RNPEP: variants seen among roughly 807,000 people sequenced by gnomAD.
The protein encoded by RNPEP is aminopeptidase B.
RNPEP carries 57 observed loss-of-function variants against 70.1 expected under a neutral mutation model. The observed-to-expected ratio is 0.81, with a 90% CI of 0.66 to 1.01. The LOEUF (loss-of-function observed/expected upper bound fraction) is 1.01. Among genes scored for constraint, RNPEP ranks in the 50% least tolerant of loss-of-function variants. RNPEP has a pLI of 0.00. For missense variants in RNPEP, 787 were observed against 852.4 expected (o/e 0.92, Z 0.96); for synonymous variants, 335 against 357.4 (o/e 0.94, Z 0.71).
Position 201,996,097 on chromosome 1 carries a change from T to C in RNPEP, c.738-50T>C, listed in dbSNP as rs200533035. ...ACAGGTGCTTTCAGGATCAGGTCAC[T>C]GCGATGGTCTCTAAACACCATTCTG... On this transcript the variant is annotated intron_variant, in intron 3 of 10. Coordinates refer to ENST00000295640, the MANE Select transcript of RNPEP (RefSeq NM_020216.4). 3.7e-4 allele frequency: 538 copies of C among 1,468,042 alleles called. 3 individuals carry two copies. The African/African-American group carries it at 6.4e-3, about 17-fold the overall frequency. 90.9% of individuals were successfully genotyped at this position (1,468,042 alleles called of 1,614,324 possible). A position where few individuals can be genotyped will look rare whatever the true frequency, so the allele number is the denominator to read the frequency against.
chr1:202,001,515 G>A, intron 7 of RNPEP, 27 bp downstream of exon 7: 1 of 1,555,092 alleles, frequency 6.4e-7, no homozygotes, highest in African/African-American at 1.4e-5. Context: ...GGAGAAGGAA[G>A]AGGAGCGGAT....
intron 3 of RNPEP, among the ~76,000 whole-genome samples, chr1:201,993,702 C>T (rs1049679300): frequency 5.3e-5 from 8 of 151,160 alleles, no homozygotes; most frequent in African/African-American, 1.9e-4. Context: ...TGGTGTGAAC[C>T]CGGGAGGTGG....
At position 201,996,214 on chromosome 1, in the gene RNPEP, G is replaced by T. The variant is rs575051595; in HGVS notation, c.805G>T (p.Glu269Ter). Residue 269 changes from glutamate (E) to a stop codon, truncating the protein, a stop_gained, in exon 4 of 11, where the codon GAA becomes TAA. Transcript: ENST00000295640. LOFTEE classifies it high-confidence loss of function. ...AKEEYNGVIEEFLATGEKLFG... is the reference protein window; with the variant it reads ...AKEEYNGVIE ...GGAGGAGTACAACGGGGTGATAGAA[G>T]AATTTTTGGCAACAGGAGAGAAGCT... 1.0e-4 allele frequency: 168 copies of T among 1,614,076 alleles called. 1 individual carries two copies. The highest frequency in any genetic ancestry group is 1.6e-4 in the Middle Eastern group (1 of 6,084).
chr1:201,997,706 C>A, intron 5 of RNPEP, 152 bp downstream of exon 5: 1 of 537,590 alleles, frequency 1.9e-6, no homozygotes, highest in Admixed American at 3.4e-5. Context: ...TATGAATTGT[C>A]AAACCACACA....
At chr1:201,987,813 C>T (rs1172154190) in intron 1 of RNPEP, among the ~76,000 whole-genome samples, 1 of 151,402 alleles carries the variant, frequency 6.6e-6, no homozygotes, top group Non-Finnish European at 1.5e-5. Flanking sequence ...ATATAAAATA[C>T]CTTTCTTCTG....
In RNPEP at chr1:201,997,427, T is replaced by C; in HGVS notation, c.963T>C (p.Asp321=). The C allele has an allele frequency of 6.2e-7, 1 of 1,614,140 alleles. No individual in the cohort carries two copies. Among genetic ancestry groups the C allele is most frequent in the Non-Finnish European group, 8.5e-7 (1 of 1,180,024 alleles). ...TAGCTGGGGACCGCTCCTTGGCAGATGTCATCATCCATGAGATCTCCCACA... is the reference window on the plus strand; with the variant it reads ...TAGCTGGGGACCGCTCCTTGGCAGACGTCATCATCCATGAGATCTCCCACA... The part of the protein sequence containing the change: ...CLLAGDRSLA[D]VIIHEISHSW... Residue 321 remains aspartate, a synonymous_variant, in exon 5 of 11, where the codon GAT becomes GAC. Coordinates refer to ENST00000295640, the MANE Select transcript of RNPEP (RefSeq NM_020216.4).
At position 202,000,005 on chromosome 1, in the gene RNPEP, G is replaced by T. The variant is rs377565563; in HGVS notation, c.1194G>T (p.Lys398Asn). 86 of 1,613,004 alleles carry T rather than the reference G, an allele frequency of 5.3e-5. No homozygotes were observed. Among genetic ancestry groups the T allele is most frequent in the Non-Finnish European group, 7.0e-5 (83 of 1,179,456 alleles). The part of the protein sequence containing the change: ...EENPLNKLRV[K>N]IEPGVDPDDT... ...ACCCACTCAACAAGCTCCGCGTGAAGATTGAACCAGGTCCAGGAGGCTCCT... is the reference window on the plus strand; with the variant it reads ...ACCCACTCAACAAGCTCCGCGTGAATATTGAACCAGGTCCAGGAGGCTCCT... Residue 398 changes from lysine to asparagine, a missense_variant, in exon 6 of 11, where the codon AAG (lysine) becomes AAT (asparagine). Coordinates refer to ENST00000295640, the MANE Select transcript of RNPEP (RefSeq NM_020216.4).
chr1:202,004,189 AGTTTT>A (rs779520279), intron 9 of RNPEP, among the ~76,000 whole-genome samples, 160 bp from the exon 10 acceptor site: 26 of 152,070 alleles, frequency 1.7e-4, no homozygotes, highest in Non-Finnish European at 3.1e-4. Context: ...ACACCCGGCC[AGTTTT>A]GTTTGGTATT....
Position 201,989,386 on chromosome 1 carries a change from C to T in RNPEP, c.592C>T (p.Pro198Ser), listed in dbSNP as rs867779987. 1 of 1,613,782 alleles carries T rather than the reference C, an allele frequency of 6.2e-7. No individual in the cohort carries two copies. Among genetic ancestry groups the T allele is most frequent in the Non-Finnish European group, 8.5e-7 (1 of 1,179,966 alleles). ...KYKYSALIEV[P>S]DGFTAVMSAS... ...CCTAAGCTTTCTCTGTTGTCAGGTC[C>T]CAGATGGCTTCACAGCTGTGATGAG... is the stretch of plus-strand genomic sequence containing the variant. The change falls in exon 3 of 11, where the codon CCA becomes TCA. Residue 198 changes from proline (P) to serine (S), a missense_variant. By Grantham distance (74) the Pro-to-Ser change is moderately conservative. Transcript: ENST00000295640.
At chr1:202,004,635 A>G in intron 10 of RNPEP, 139 bp downstream of exon 10, 1 of 1,016,678 alleles carries the variant, frequency 9.8e-7, no homozygotes, top group East Asian at 2.5e-5. Context: ...GGACCCTACC[A>G]CTCAGCCTCT....
intron 3 of RNPEP, among the ~76,000 whole-genome samples, chr1:201,991,028 C>T (rs938248816): frequency 6.6e-6 from 1 of 152,194 alleles, no homozygotes; most frequent in African/African-American, 2.4e-5. Context: ...ACAGAATCCA[C>T]TTAACTGGTG....
At chr1:201,996,465 T>TG in intron 4 of RNPEP, 3 of 230,686 alleles carry the variant, frequency 1.3e-5, no homozygotes, top group South Asian at 5.2e-5. Context: ...ATGAGGTTCT[T>TG]TGTGTGTGTG....
At chr1:202,004,565 A>C in intron 10 of RNPEP, 69 bp downstream of exon 10, 1 of 1,578,742 alleles carries the variant, frequency 6.3e-7, no homozygotes, top group Non-Finnish European at 8.6e-7. Context: ...TGAAGTAATC[A>C]TGTGGGCAGG....
intron 8 of RNPEP, among the ~76,000 whole-genome samples, chr1:202,002,461 C>T (rs748626109): frequency 1.3e-4 from 20 of 152,194 alleles, no homozygotes; most frequent in Non-Finnish European, 1.2e-4. Context: ...TGTGCCCAGC[C>T]GCCAGTTTCT....
chr1:202,004,631 T>A, intron 10 of RNPEP, 135 bp downstream of exon 10: 1 of 1,049,900 alleles, frequency 9.5e-7, no homozygotes, highest in Non-Finnish European at 1.4e-6. Context: ...CTGAGGACCC[T>A]ACCACTCAGC....
At chr1:201,987,813 C>G (rs1172154190) in intron 1 of RNPEP, among the ~76,000 whole-genome samples, 1 of 151,402 alleles carries the variant, frequency 6.6e-6, no homozygotes, top group African/African-American at 2.4e-5. Flanking sequence ...ATATAAAATA[C>G]CTTTCTTCTG....
chr1:201,983,430 C>G (rs1683013458), intron 1 of RNPEP: 3 of 1,463,384 alleles, frequency 2.1e-6, no homozygotes, highest in African/African-American at 2.8e-5. Flanking sequence ...TCATCGCACA[C>G]TGCCGTTTCT....
intron 1 of RNPEP, 111 bp from the exon 2 acceptor site, chr1:201,988,793 A>T: frequency 7.5e-7 from 1 of 1,325,008 alleles, no homozygotes; most frequent in Non-Finnish European, 1.0e-6. Context: ...TGGCTGGCGG[A>T]AAGGTTTTAA....
At chr1:201,986,703 T>C (rs554994009) in intron 1 of RNPEP, among the ~76,000 whole-genome samples, 11 of 151,866 alleles carry the variant, frequency 7.2e-5, no homozygotes, top group African/African-American at 1.4e-4. Flanking sequence ...ACCACCCTGG[T>C]TAATTTTTGT....
Sources: gnomAD v4.1 joint callset for allele counts (sites outside exome capture counted in the v4.1 genomes callset) on GRCh38, gnomAD v4.1.1 for gene constraint, MANE v1.5 for transcripts, NCBI Gene and HGNC (gene_info 2026-07-23, HGNC 2026-07-21) for gene names.